The following PTPRT variants were observed in gnomAD, a reference collection of about 807,000 sequenced individuals.
The protein encoded by PTPRT is protein tyrosine phosphatase receptor type T.
PTPRT carries 56 observed loss-of-function variants against 176.8 expected under a neutral mutation model. The observed-to-expected ratio is 0.32, with a 90% CI of 0.26 to 0.40. PTPRT has a LOEUF of 0.40. Among genes scored for constraint, PTPRT ranks in the 10% least tolerant of loss-of-function variants. The pLI, the probability that PTPRT is intolerant of heterozygous loss-of-function variation, is 1.00. For missense variants in PTPRT, 1,540 were observed against 1,908.2 expected, an observed-to-expected ratio of 0.81 and a Z score of 3.60; for synonymous variants, 783 against 739.0, an observed-to-expected ratio of 1.06 and a Z score of -0.96.
intron 1 of PTPRT, among the ~76,000 whole-genome samples, chr20:43,075,160 G>A (rs544222491): frequency 6.6e-6 from 1 of 152,334 alleles, no homozygotes; most frequent in South Asian, 2.1e-4. Flanking sequence ...AAAGACTACT[G>A]TCTAATTAAA....
At chr20:42,070,327 G>A (rs1334707466), downstream of PTPRT, among the ~76,000 whole-genome samples, 1 of 151,440 alleles carries the variant, frequency 6.6e-6, no homozygotes, top group Non-Finnish European at 1.5e-5. Flanking sequence ...GGTGCTCCTA[G>A]GTCTGACATG....
chr20:43,115,011 G>C (rs2013002607), intron 1 of PTPRT, among the ~76,000 whole-genome samples: 1 of 152,116 alleles, frequency 6.6e-6, no homozygotes, highest in Non-Finnish European at 1.5e-5. Context: ...CCACATTCCA[G>C]GCAGTGTGCT....
At chr20:42,056,975 T>C in the PTPRT span, among the ~76,000 whole-genome samples, 3 of 152,324 alleles carry the variant, frequency 2.0e-5, no homozygotes, top group East Asian at 5.8e-4. Context: ...TCTGGGAAGC[T>C]TTCCCAGACA....
chr20:42,620,273 C>T (rs1404284711), intron 7 of PTPRT, among the ~76,000 whole-genome samples: 1 of 149,808 alleles, frequency 6.7e-6, no homozygotes, highest in Non-Finnish European at 1.5e-5. Context: ...GGTCAGGGAC[C>T]CACTTGAGGA....
At chr20:42,433,311 A>G (rs1008133588) in intron 9 of PTPRT, among the ~76,000 whole-genome samples, 4 of 152,186 alleles carry the variant, frequency 2.6e-5, no homozygotes, top group Admixed American at 6.5e-5. Context: ...GAAATCCAGA[A>G]ATTACCTAAT....
chr20:42,574,552 C>T (rs940916187), intron 7 of PTPRT, among the ~76,000 whole-genome samples: 1 of 152,134 alleles, frequency 6.6e-6, no homozygotes, highest in East Asian at 1.9e-4. Flanking sequence ...GTTACCATTG[C>T]TCCAGGGGAT....
At chr20:42,049,778 C>T in the PTPRT span, among the ~76,000 whole-genome samples, 1 of 152,124 alleles carries the variant, frequency 6.6e-6, no homozygotes, top group Admixed American at 6.6e-5. Context: ...TTTCAGAGCT[C>T]AAGGGAAACT....
intron 9 of PTPRT, among the ~76,000 whole-genome samples, chr20:42,369,804 G>A (rs929026038): frequency 1.3e-5 from 2 of 152,224 alleles, no homozygotes; most frequent in Non-Finnish European, 2.9e-5. Flanking sequence ...GTATGTCCAT[G>A]ATGCCAAATC....
At chr20:42,791,555 GC>G (rs1340500837) in intron 2 of PTPRT, 89 bp from the exon 3 acceptor site, 8 of 1,395,414 alleles carry the variant, frequency 5.7e-6, no homozygotes, top group Non-Finnish European at 6.8e-6. Context: ...AAACATGGTG[GC>G]CAGAGGAGTG....
chr20:42,537,373 G>A (rs959751613), intron 7 of PTPRT, among the ~76,000 whole-genome samples: 2 of 152,102 alleles, frequency 1.3e-5, no homozygotes, highest in African/African-American at 4.8e-5. Context: ...AATAAATGCA[G>A]TTATAATCTG....
At chr20:42,604,130 C>A (rs993920155) in intron 7 of PTPRT, among the ~76,000 whole-genome samples, 1 of 152,190 alleles carries the variant, frequency 6.6e-6, no homozygotes, top group Non-Finnish European at 1.5e-5. Context: ...TGGCATCAGG[C>A]AGACATGGGG....
At chr20:42,041,819 A>G in the PTPRT span, among the ~76,000 whole-genome samples, 1 of 152,230 alleles carries the variant, frequency 6.6e-6, no homozygotes, top group African/African-American at 2.4e-5. Context: ...TATTATAATT[A>G]TCATTATTAT....
intron 6 of PTPRT, among the ~76,000 whole-genome samples, chr20:42,751,003 C>T (rs925123183): frequency 2.0e-5 from 3 of 152,184 alleles, no homozygotes; most frequent in Admixed American, 2.0e-4. Context: ...GCTTTCATTT[C>T]GGTCTGTGTG....
chr20:42,796,656 G>A (rs562172552), intron 2 of PTPRT, among the ~76,000 whole-genome samples: 32 of 152,376 alleles, frequency 2.1e-4, no homozygotes, highest in Middle Eastern at 6.8e-3. Context: ...CCTTCAGGAA[G>A]CAGAAGCATA....
chr20:42,542,307 AAAG>A (rs2072598034), intron 7 of PTPRT, among the ~76,000 whole-genome samples: 1 of 152,184 alleles, frequency 6.6e-6, no homozygotes, highest in African/African-American at 2.4e-5. Flanking sequence ...CCTAATATAG[AAAG>A]AAGTACTACA....
intron 7 of PTPRT, among the ~76,000 whole-genome samples, chr20:42,663,162 C>A (rs1038439684): frequency 6.6e-6 from 1 of 152,054 alleles, no homozygotes; most frequent in African/African-American, 2.4e-5. Context: ...CCGCCCTCCC[C>A]CAACCCCACT....
intron 23 of PTPRT, among the ~76,000 whole-genome samples, chr20:42,109,836 T>A (rs1474419957): frequency 6.6e-6 from 1 of 152,152 alleles, no homozygotes; most frequent in Non-Finnish European, 1.5e-5. Context: ...GTGACTGACT[T>A]CTTCACTGTT....
chr20:42,595,211 T>G (rs1481513855), intron 7 of PTPRT, among the ~76,000 whole-genome samples: 1 of 152,112 alleles, frequency 6.6e-6, no homozygotes, highest in African/African-American at 2.4e-5. Context: ...AGATACTGCA[T>G]GCACCTCTAA....
chr20:42,377,420 T>C (rs1321171053), intron 9 of PTPRT, among the ~76,000 whole-genome samples: 4 of 152,152 alleles, frequency 2.6e-5, no homozygotes, highest in South Asian at 2.1e-4. Context: ...CCAACACAAA[T>C]GTATGCATGC....
Sources: gnomAD v4.1 joint callset for allele counts (sites outside exome capture counted in the v4.1 genomes callset) on GRCh38, gnomAD v4.1.1 for gene constraint, MANE v1.5 for transcripts, NCBI Gene and HGNC (gene_info 2026-07-23, HGNC 2026-07-21) for gene names.